Variants in ZNF628 observed in about 807,000 individuals in gnomAD.
ZNF628 encodes the protein zinc finger protein Zec.
A neutral mutation model predicts 2.5 loss-of-function variants in ZNF628; 3 were observed. The ratio of observed to expected loss-of-function variants is 1.19; its 90% CI spans 0.54 to 3.07. ZNF628 has a LOEUF of 3.07. Ranked by LOEUF, ZNF628 falls within the 30% of genes most tolerant of loss-of-function variation. The pLI is 0.03. For synonymous variants in ZNF628, 861 were observed against 717.1 expected (o/e 1.20, Z -3.21); for missense variants, 1,610 against 1,517.1 (o/e 1.06, Z -1.02).
rs1017430499 is a variant in ZNF628, at chr19:55,482,952, G to A, written c.1759G>A (p.Val587Met). The A allele has an allele frequency of 6.2e-7, 1 of 1,610,232 alleles. No homozygotes were observed. The highest frequency in any genetic ancestry group is 1.3e-5 in the African/African-American group (1 of 75,000). ...CTCCAACCTGCGGCAGCACCAGCGC[G>A]TGCACACGGGCGAGCGGCCCTTCCG... The part of the protein sequence containing the change: ...QTSNLRQHQR[V>M]HTGERPFRCP... Residue 587 changes from valine to methionine, a missense_variant, in exon 3 of 3, where the codon GTG becomes ATG. Transcript: ENST00000598519.
chr19:55,482,885 G>T lies in ZNF628; in HGVS notation c.1692G>T (p.Arg564Ser), dbSNP rs1315196796. 2.5e-6 allele frequency: 4 copies of T among 1,603,714 alleles called. No individual in the cohort carries two copies. In the African/African-American group the frequency reaches 4.0e-5, roughly 16 times the overall value. ...RRHRHVHTGE[R>S]PHACGVCGKS... ...ACCGCCACGTGCACACTGGCGAGAG[G>T]CCCCACGCCTGCGGTGTCTGCGGCA... Residue 564 changes from arginine (R) to serine (S), a missense_variant, in exon 3 of 3, where the codon AGG becomes AGT. Around this residue, in one of 5 missense-constraint regions of ZNF628, gnomAD observed 651 missense variants for 575.6 expected, o/e 1.13. Coordinates refer to ENST00000598519, the MANE Select transcript of ZNF628 (RefSeq NM_033113.3).
At chr19:55,480,493 T>C (rs1986671909) in intron 2 of ZNF628, among the ~76,000 whole-genome samples, 1 of 152,180 alleles carries the variant, frequency 6.6e-6, no homozygotes, top group Non-Finnish European at 1.5e-5. Context: ...CGATCTTGGC[T>C]CACTGAAACC....
At position 55,482,457 on chromosome 19, in the gene ZNF628, G is replaced by A. The variant is rs1162235404; in HGVS notation, c.1264G>A (p.Glu422Lys). The A allele has an allele frequency of 2.2e-6, 3 of 1,389,414 alleles. No individual in the cohort carries two copies. Among genetic ancestry groups the A allele is most frequent in the Non-Finnish European group, 2.8e-6 (3 of 1,078,710 alleles). 86.1% of individuals were successfully genotyped at this position (1,389,414 alleles called of 1,614,324 possible). ...GGCCGGGCGCCCGCCCCCGCAGGCT[G>A]AGGCTGCGGAGGTGACCTGCCCCCA... ...AAAGRPPPQA[E>K]AAEVTCPQEP... Residue 422 changes from glutamate to lysine, a missense_variant, in exon 3 of 3, where the codon GAG (glutamate) becomes AAG (lysine). Physicochemically the swap from Glu to Lys is moderately conservative, Grantham distance 56 (BLOSUM62 1). Around this residue, in one of 5 missense-constraint regions of ZNF628, gnomAD observed 651 missense variants for 575.6 expected, o/e 1.13. Transcript: ENST00000598519.
Position 55,482,279 on chromosome 19 carries a change from C to G in ZNF628, c.1086C>G (p.Gly362=), listed in dbSNP as rs1170580645. 4.8e-6 allele frequency: 7 copies of G among 1,472,446 alleles called. No homozygotes were observed. The Admixed American group carries it at 1.7e-4, about 35-fold the overall frequency. 91.2% of individuals were successfully genotyped at this position (1,472,446 alleles called of 1,614,324 possible). A position where few individuals can be genotyped will look rare whatever the true frequency, so the allele number is the denominator to read the frequency against. Reference sequence around the variant, plus strand: ...CTGGCTTTGCCTGTCTGCCCTGCGGCAAGTCCTTCCGGACGGTGGCTGGGC... The same window carrying G: ...CTGGCTTTGCCTGTCTGCCCTGCGGGAAGTCCTTCCGGACGGTGGCTGGGC... ...PAPGFACLPC[G]KSFRTVAGLS... is the part of the protein sequence containing the mutation. Residue 362 remains glycine, a synonymous_variant, in exon 3 of 3, where the codon GGC becomes GGG. Coordinates refer to ENST00000598519, the MANE Select transcript of ZNF628 (RefSeq NM_033113.3).
chr19:55,483,043 C>A lies in ZNF628; in HGVS notation c.1850C>A (p.Ser617Ter). The change falls in exon 3 of 3, where the codon TCG (serine) becomes TAG (stop). Residue 617 changes from serine (S) to a stop codon, truncating the protein, a stop_gained. Coordinates refer to ENST00000598519, the MANE Select transcript of ZNF628 (RefSeq NM_033113.3). LOFTEE classifies it low-confidence loss of function (END_TRUNC). ...CTGCTGCTGCACCAGCGCACGCACT[C>A]GGCGGAGCGCCCCTTCACCTGCCCC... is the stretch of plus-strand genomic sequence containing the variant. Reference protein sequence around the residue: ...SNLLLHQRTHSAERPFTCPIC... With the variant: ...SNLLLHQRTH 6.2e-7 allele frequency: 1 copy of A among 1,611,584 alleles called. No homozygotes were observed. Among genetic ancestry groups the A allele is most frequent in the Non-Finnish European group, 8.5e-7 (1 of 1,179,484 alleles).
intron 1 of ZNF628, among the ~76,000 whole-genome samples, chr19:55,478,198 T>A (rs1986608774): frequency 6.6e-6 from 1 of 152,136 alleles, no homozygotes; most frequent in African/African-American, 2.4e-5. Flanking sequence ...TGGCCCCACA[T>A]CTCAGCACTG....
At chr19:55,481,178 C>G in intron 2 of ZNF628, 23 bp from the exon 3 acceptor site, 2 of 1,501,998 alleles carry the variant, frequency 1.3e-6, no homozygotes, top group South Asian at 1.3e-5. Context: ...GGGTGAGCCG[C>G]TGACCCAGAA....
Position 55,481,766 on chromosome 19 carries a change from G to A in ZNF628, c.573G>A (p.Leu191=), listed in dbSNP as rs551691949. ...CGKSFTQSTN[L]RQHQRVHTGE... ...AGAGCTTCACGCAGAGCACCAACCT[G>A]CGGCAGCACCAGCGCGTGCACACGG... The change falls in exon 3 of 3, where the codon CTG becomes CTA. Residue 191 remains leucine, a synonymous_variant. Coordinates refer to ENST00000598519, the MANE Select transcript of ZNF628 (RefSeq NM_033113.3). The A allele has an allele frequency of 2.5e-6, 4 of 1,610,048 alleles. No individual in the cohort carries two copies. The African/African-American group carries it at 5.3e-5, about 22-fold the overall frequency.
In ZNF628 at chr19:55,482,933, C is replaced by T. The variant is rs1568468178; in HGVS notation, c.1740C>T (p.Asn580=). The change falls in exon 3 of 3, where the codon AAC becomes AAT. Residue 580 remains asparagine, a synonymous_variant. Coordinates refer to ENST00000598519, the MANE Select transcript of ZNF628 (RefSeq NM_033113.3). ...VCGKSFAQTS[N]LRQHQRVHTG... is the part of the protein sequence containing the mutation. Reference sequence around the variant, plus strand: ...GCAAGAGCTTCGCGCAGACCTCCAACCTGCGGCAGCACCAGCGCGTGCACA... The same window carrying T: ...GCAAGAGCTTCGCGCAGACCTCCAATCTGCGGCAGCACCAGCGCGTGCACA... The T allele has an allele frequency of 6.2e-7, 1 of 1,608,812 alleles. No homozygotes were observed.
intron 2 of ZNF628, among the ~76,000 whole-genome samples, chr19:55,480,248 CCT>C (rs1491166316): frequency 2.2e-4 from 11 of 49,976 alleles, no homozygotes; most frequent in African/African-American, 1.1e-3. Context: ...CTTTTTTTTT[CCT>C]TTTTTTTTTT....
In ZNF628 at chr19:55,482,394, C is replaced by T. The variant is rs1259586526; in HGVS notation, c.1201C>T (p.Leu401Phe). ...CDGSFPQLAS[L>F]LAHQQCHVEE... The stretch of plus-strand genomic sequence containing the variant: ...CGGCTCCTTCCCGCAGCTGGCCAGC[C>T]TCCTGGCGCATCAGCAGTGCCACGT... The change falls in exon 3 of 3, where the codon CTC becomes TTC. Residue 401 changes from leucine to phenylalanine, a missense_variant. Around this residue, in one of 5 missense-constraint regions of ZNF628, gnomAD observed 651 missense variants for 575.6 expected, o/e 1.13. Coordinates refer to ENST00000598519, the MANE Select transcript of ZNF628 (RefSeq NM_033113.3). 3 of 1,410,650 alleles carry T rather than the reference C, an allele frequency of 2.1e-6. No individual in the cohort carries two copies. Among genetic ancestry groups the T allele is most frequent in the Non-Finnish European group, 2.8e-6 (3 of 1,085,758 alleles). 87.4% of individuals were successfully genotyped at this position (1,410,650 alleles called of 1,614,324 possible). A position where few individuals can be genotyped will look rare whatever the true frequency, so the allele number is the denominator to read the frequency against.
intron 1 of ZNF628, among the ~76,000 whole-genome samples, chr19:55,478,642 G>A (rs1012769971): frequency 2.0e-5 from 3 of 152,254 alleles, no homozygotes; most frequent in Non-Finnish European, 2.9e-5. Context: ...GAACAGACGG[G>A]TGGGCAGGGC....
In ZNF628 at chr19:55,483,390, C is replaced by T. The variant is rs1487934217; in HGVS notation, c.2197C>T (p.Pro733Ser). ...CCCCAGCAGCGTGCAGCCCCCTACA[C>T]CTCCGCCCCCTCCCGCACCTCCCAA... ...LIPSSVQPPTPPPPPAPPKLI... is the reference protein window; with the variant it reads ...LIPSSVQPPTSPPPPAPPKLI... Residue 733 changes from proline to serine, a missense_variant, in exon 3 of 3, where the codon CCT (proline) becomes TCT (serine). Pro to Ser is a moderately conservative substitution (Grantham distance 74, BLOSUM62 -1). Coordinates refer to ENST00000598519, the MANE Select transcript of ZNF628 (RefSeq NM_033113.3). 2.6e-6 allele frequency: 4 copies of T among 1,534,010 alleles called. No individual in the cohort carries two copies. The highest frequency in any genetic ancestry group is 3.5e-6 in the Non-Finnish European group (4 of 1,142,014).
chr19:55,480,737 G>A (rs1482563819), intron 2 of ZNF628, among the ~76,000 whole-genome samples: 1 of 152,236 alleles, frequency 6.6e-6, no homozygotes, highest in African/African-American at 2.4e-5. Flanking sequence ...GGAGGCTTTA[G>A]TTAAAATGAA....
chr19:55,479,452 T>G lies in ZNF628; in HGVS notation c.-77-382T>G, dbSNP rs780642223. 2.6e-5 allele frequency among the ~76,000 whole-genome samples: 4 copies of G among 152,024 alleles called. No individual in the cohort carries two copies. Among genetic ancestry groups the G allele is most frequent in the Non-Finnish European group, 4.4e-5 (3 of 67,990 alleles). On this transcript the variant is annotated intron_variant, in intron 1 of 2. Coordinates refer to ENST00000598519, the MANE Select transcript of ZNF628 (RefSeq NM_033113.3). This position sits in a 1 kb window ranked among gnomAD's most constrained non-coding sequence, Gnocchi z 5.1. ...GTTTTTAAAGATGGGAGACATAGAT[T>G]GTTGGTTCTGCAGATGGGAACGTCC...
chr19:55,481,432 T>G lies in ZNF628; in HGVS notation c.239T>G (p.Leu80Arg), dbSNP rs1340288840. 6.2e-7 allele frequency: 1 copy of G among 1,608,882 alleles called. No homozygotes were observed. The highest frequency in any genetic ancestry group is 1.7e-5 in the Admixed American group (1 of 59,592). Residue 80 changes from leucine to arginine, a missense_variant, in exon 3 of 3, where the codon CTC (leucine) becomes CGC (arginine). Physicochemically the swap from Leu to Arg is moderately radical, Grantham distance 102. This residue lies in a region of ZNF628 where 166 missense variants were observed against 241.3 expected (regional missense o/e 0.69). Coordinates refer to ENST00000598519, the MANE Select transcript of ZNF628 (RefSeq NM_033113.3). The part of the protein sequence containing the change: ...PKAFKGSSAL[L>R]YHQRGHTGER... ...GCTTTCAAAGGCTCCTCGGCCCTGC[T>G]CTACCACCAGCGAGGCCACACGGGC...
chr19:55,484,098 C>G lies in ZNF628; in HGVS notation c.2905C>G (p.Pro969Ala). Residue 969 changes from proline (P) to alanine (A), a missense_variant, in exon 3 of 3, where the codon CCA becomes GCA. Physicochemically the swap from Pro to Ala is conservative, Grantham distance 27. Around this residue, in one of 5 missense-constraint regions of ZNF628, gnomAD observed 712 missense variants for 603.6 expected, o/e 1.18. Transcript: ENST00000598519. ...GCTGACGGAGCCGCCTGCCACCGGC[C>G]CACCCGGACAGAAACTCCTCATCAT... ...PGLTEPPATGPPGQKLLIIRS... is the reference protein window; with the variant it reads ...PGLTEPPATGAPGQKLLIIRS... 6.3e-7 allele frequency: 1 copy of G among 1,592,846 alleles called. No individual in the cohort carries two copies. Among genetic ancestry groups the G allele is most frequent in the Non-Finnish European group, 8.5e-7 (1 of 1,171,464 alleles).
intron 1 of ZNF628, among the ~76,000 whole-genome samples, 192 bp downstream of exon 1, chr19:55,476,999 T>A (rs564945521): frequency 6.6e-6 from 1 of 151,916 alleles, no homozygotes; most frequent in East Asian, 1.9e-4. Context: ...AGAGGGCGGG[T>A]CAGGCTTTGC....
Position 55,484,239 on chromosome 19 carries a change from C to T in ZNF628, c.3046C>T (p.Pro1016Ser), listed in dbSNP as rs894388540. 2 of 1,548,320 alleles carry T rather than the reference C, an allele frequency of 1.3e-6. No homozygotes were observed. The highest frequency in any genetic ancestry group is 1.4e-5 in the African/African-American group (1 of 72,930). Residue 1016 changes from proline (P) to serine (S), a missense_variant, in exon 3 of 3, where the codon CCC becomes TCC. Around this residue, in one of 5 missense-constraint regions of ZNF628, gnomAD observed 712 missense variants for 603.6 expected, o/e 1.18. Transcript: ENST00000598519. Reference protein sequence around the residue: ...SGPASGPAGLPGAPASQMVQV... With the variant: ...SGPASGPAGLSGAPASQMVQV... The stretch of plus-strand genomic sequence containing the variant: ...CCCAGCCTCGGGCCCCGCGGGGCTC[C>T]CCGGGGCTCCAGCCTCCCAGATGGT...
Sources: allele counts gnomAD v4.1 joint callset (sites outside exome capture counted in the v4.1 genomes callset), GRCh38; gene constraint gnomAD v4.1.1; regional missense constraint gnomAD v4.1.1; non-coding constraint Gnocchi (gnomAD v3.1); transcripts MANE v1.5; gene names NCBI Gene and HGNC (gene_info 2026-07-23, HGNC 2026-07-21).